The following FAT3 variants were observed in gnomAD, a reference collection of about 807,000 sequenced individuals.
The protein encoded by FAT3 is protocadherin Fat 3.
A neutral mutation model predicts 310.2 loss-of-function variants in FAT3; 95 were observed. The ratio of observed to expected loss-of-function variants is 0.31; its 90% CI spans 0.26 to 0.36. FAT3 has a LOEUF of 0.36. Ranked by LOEUF, FAT3 falls within the 10% of genes least tolerant of loss-of-function variation. FAT3 has a pLI of 1.00. For synonymous variants in FAT3, 2,314 were observed against 2,192.9 expected, an observed-to-expected ratio of 1.06 and a Z score of -1.54; for missense variants, 5,408 against 5,715.6, an observed-to-expected ratio of 0.95 and a Z score of 1.74.
At chr11:92,308,707 T>G (rs973383283) in intron 1 of FAT3, among the ~76,000 whole-genome samples, 1 of 152,162 alleles carries the variant, frequency 6.6e-6, no homozygotes, top group Non-Finnish European at 1.5e-5. Context: ...CAGAAGAGAT[T>G]ATTTAATTGA....
chr11:92,257,539 T>C (rs1865365537), intron 1 of FAT3, among the ~76,000 whole-genome samples: 2 of 152,028 alleles, frequency 1.3e-5, no homozygotes, highest in African/African-American at 2.4e-5. Flanking sequence ...TAAAAAAATA[T>C]CGACAAAATG....
chr11:92,474,163 T>C (rs1340655435), intron 2 of FAT3, among the ~76,000 whole-genome samples: 1 of 152,212 alleles, frequency 6.6e-6, no homozygotes, highest in Non-Finnish European at 1.5e-5. Flanking sequence ...ACTCCTCTGG[T>C]GGTTCCCATT....
At chr11:92,301,775 A>G (rs1160967989) in intron 1 of FAT3, among the ~76,000 whole-genome samples, 4 of 151,914 alleles carry the variant, frequency 2.6e-5, no homozygotes, top group Non-Finnish European at 5.9e-5. Context: ...TCCAAACTAG[A>G]TCATCTTGTG....
chr11:92,752,063 C>A (rs191658365), intron 4 of FAT3, among the ~76,000 whole-genome samples: 2 of 152,244 alleles, frequency 1.3e-5, no homozygotes, highest in Admixed American at 1.3e-4. Flanking sequence ...ATGTTTTAGA[C>A]CAGGAGTCAG....
chr11:92,276,209 C>T (rs976650053), intron 1 of FAT3, among the ~76,000 whole-genome samples: 5 of 152,030 alleles, frequency 3.3e-5, no homozygotes, highest in African/African-American at 1.2e-4. Flanking sequence ...TTAATATTGC[C>T]AATCAGCCTA....
chr11:92,336,257 G>T, intron 1 of FAT3: 2 of 551,516 alleles, frequency 3.6e-6, no homozygotes, highest in Admixed American at 2.0e-5. Flanking sequence ...TGTCCAAAAT[G>T]GGGTCCTTGT....
chr11:92,547,065 T>C (rs1252148315), intron 3 of FAT3, among the ~76,000 whole-genome samples: 2 of 152,170 alleles, frequency 1.3e-5, no homozygotes, highest in South Asian at 2.1e-4. Flanking sequence ...CATGAGCAGA[T>C]AGGTAACATT....
Position 92,844,666 on chromosome 11 carries a change from T to C in FAT3, c.11299T>C (p.Tyr3767His), listed in dbSNP as rs367601206. The C allele has an allele frequency of 1.9e-6, 3 of 1,602,502 alleles. No homozygotes were observed. The highest frequency in any genetic ancestry group is 1.7e-6 in the Non-Finnish European group (2 of 1,173,202). Residue 3767 changes from tyrosine (Y) to histidine (H), a missense_variant, in exon 19 of 28, where the codon TAC (tyrosine) becomes CAC (histidine). Tyr to His is a moderately conservative substitution (Grantham distance 83). Around this residue, in one of 5 missense-constraint regions of FAT3, gnomAD observed 4,588 missense variants for 4,809.8 expected, o/e 0.95. Coordinates refer to ENST00000525166, the MANE Select transcript of FAT3 (RefSeq NM_001367949.2). ...ACTCGATTCCCACGCGCTCATGACC[T>C]ACAGCACGGCTCGCATCAGCTTTGT... ...LSLDSHALMT[Y>H]STARISFVCP... is the part of the protein sequence containing the mutation.
At chr11:92,577,499 T>C (rs1938548763) in intron 3 of FAT3, among the ~76,000 whole-genome samples, 1 of 152,122 alleles carries the variant, frequency 6.6e-6, no homozygotes. Context: ...CATGTATACA[T>C]TGTGGAATGA....
chr11:92,328,941 T>G (rs1447916455), intron 1 of FAT3, among the ~76,000 whole-genome samples: 4 of 152,164 alleles, frequency 2.6e-5, no homozygotes, highest in Non-Finnish European at 4.4e-5. Flanking sequence ...CCATCGACTT[T>G]GAGGCTTTAA....
intron 1 of FAT3, among the ~76,000 whole-genome samples, chr11:92,330,102 A>G (rs189978084): frequency 4.6e-5 from 7 of 152,342 alleles, no homozygotes; most frequent in African/African-American, 1.7e-4. Context: ...TGGAAAGAGA[A>G]CTGAAGCAAA....
At chr11:92,620,943 G>T (rs554011298) in intron 3 of FAT3, among the ~76,000 whole-genome samples, 1 of 152,298 alleles carries the variant, frequency 6.6e-6, no homozygotes, top group South Asian at 2.1e-4. Flanking sequence ...ACAGAGCAGA[G>T]AGAGAAGAAG....
At chr11:92,637,960 T>G (rs1278869339) in intron 3 of FAT3, among the ~76,000 whole-genome samples, 1 of 152,230 alleles carries the variant, frequency 6.6e-6, no homozygotes, top group Non-Finnish European at 1.5e-5. Flanking sequence ...TTTACCTTAA[T>G]ATACTGCATA....
intron 1 of FAT3, among the ~76,000 whole-genome samples, chr11:92,326,478 G>A (rs1202150390): frequency 6.6e-6 from 1 of 152,220 alleles, no homozygotes; most frequent in Non-Finnish European, 1.5e-5. Flanking sequence ...CTTATTGGAT[G>A]CGGTAGACAA....
Position 92,354,091 on chromosome 11 carries a change from A to C in FAT3, c.1979A>C (p.Asn660Thr), listed in dbSNP as rs899764179. The C allele has an allele frequency of 3.7e-6, 6 of 1,613,742 alleles. No homozygotes were observed. Among genetic ancestry groups the C allele is most frequent in the Non-Finnish European group, 5.1e-6 (6 of 1,179,806 alleles). The change falls in exon 2 of 28, where the codon AAT becomes ACT. Residue 660 changes from asparagine (N) to threonine (T), a missense_variant. By Grantham distance (65) the Asn-to-Thr change is moderately conservative. Transcript: ENST00000525166. ...ALRITATDGE[N>T]LADPMSINIS... ...AGAATTACAGCAACTGATGGAGAGA[A>C]TCTTGCAGACCCCATGTCTATTAAC...
intron 2 of FAT3, among the ~76,000 whole-genome samples, chr11:92,476,077 G>A (rs1230650485): frequency 2.0e-5 from 3 of 152,072 alleles, no homozygotes; most frequent in Non-Finnish European, 4.4e-5. Flanking sequence ...GTGTGTGTGT[G>A]TGTGCGTGTG....
Position 92,799,445 on chromosome 11 carries a change from A to T in FAT3, c.6432A>T (p.Ala2144=). 1 of 1,613,678 alleles carries T rather than the reference A, an allele frequency of 6.2e-7. No individual in the cohort carries two copies. Among genetic ancestry groups the T allele is most frequent in the Non-Finnish European group, 8.5e-7 (1 of 1,179,776 alleles). The part of the protein sequence containing the change: ...PNSGNVILKE[A]FNSDLSNIEY... ...CAGGGAATGTTATTTTAAAGGAAGC[A>T]TTCAACTCTGACTTGTCCAACATTG... Residue 2144 remains alanine (A), a synonymous_variant, in exon 10 of 28, where the codon GCA becomes GCT. Coordinates refer to ENST00000525166, the MANE Select transcript of FAT3 (RefSeq NM_001367949.2).
At chr11:92,632,733 G>A (rs558825709) in intron 3 of FAT3, among the ~76,000 whole-genome samples, 1 of 152,310 alleles carries the variant, frequency 6.6e-6, no homozygotes, top group East Asian at 1.9e-4. Context: ...TTCAATGGCA[G>A]GAGGCAGAGA....
At chr11:92,872,054 T>C (rs1191619460) in intron 22 of FAT3, among the ~76,000 whole-genome samples, 7 of 152,048 alleles carry the variant, frequency 4.6e-5, no homozygotes, top group Non-Finnish European at 1.0e-4. Context: ...ATAAGAGTAA[T>C]AGTGTCTGCC....
Sources: gnomAD v4.1 joint callset for allele counts (sites outside exome capture counted in the v4.1 genomes callset) on GRCh38, gnomAD v4.1.1 for gene constraint, gnomAD v4.1.1 regional missense constraint, MANE v1.5 for transcripts, NCBI Gene and HGNC (gene_info 2026-07-23, HGNC 2026-07-21) for gene names.